The following CSMD2 variants were observed in gnomAD, a reference collection of about 807,000 sequenced individuals.
The protein encoded by CSMD2 is CUB and sushi domain-containing protein 2.
In CSMD2, 130 loss-of-function variants were observed where a neutral mutation model predicts 398.5. The ratio of observed to expected loss-of-function variants is 0.33; its 90% CI spans 0.28 to 0.38. The LOEUF (loss-of-function observed/expected upper bound fraction) is 0.38. Among genes scored for constraint, CSMD2 ranks in the 10% least tolerant of loss-of-function variants. CSMD2 has a pLI of 1.00. For missense variants in CSMD2, 3,829 were observed against 4,764.9 expected (o/e 0.80, Z 5.78); for synonymous variants, 1,828 against 1,908.5 (o/e 0.96, Z 1.10).
rs148525734 is a variant in CSMD2 at position 33,735,548 on chromosome 1, T to C, written c.2368+3592A>G. 9.9e-5 allele frequency among the ~76,000 whole-genome samples: 15 copies of C among 152,236 alleles called. No individual in the cohort carries two copies. The East Asian group carries it at 2.7e-3, about 27-fold the overall frequency. ...GGTCAATCTAGCCCATTCACTTCCG[T>C]ATTGTCTAAGGCTGCTGTTGCATTA... On this transcript the variant is annotated intron_variant, in intron 15 of 70. Transcript: ENST00000373381.
intron 51 of CSMD2, among the ~76,000 whole-genome samples, chr1:33,569,916 T>A (rs1659428602): frequency 6.6e-6 from 1 of 152,192 alleles, no homozygotes; most frequent in African/African-American, 2.4e-5. Flanking sequence ...ACACTGCTAA[T>A]CAATTTCCTT....
In CSMD2 at chr1:34,157,542, G is replaced by A. The variant is rs529177264; in HGVS notation, c.187+7369C>T. Among the ~76,000 whole-genome samples the A allele has an allele frequency of 6.0e-5, 9 of 149,728 alleles. No homozygotes were observed. The East Asian group carries it at 1.6e-3, about 26-fold the overall frequency. On this transcript the variant is annotated intron_variant, in intron 1 of 70. Coordinates refer to ENST00000373381, the MANE Select transcript of CSMD2 (RefSeq NM_001281956.2). The stretch of plus-strand genomic sequence containing the variant: ...ATATCCCAATTGTTCCATTCTACTC[G>A]ACCCCAACTCCACCCACCCCATCTT...
intron 5 of CSMD2, among the ~76,000 whole-genome samples, chr1:33,898,154 T>TA (rs910472108): frequency 1.3e-5 from 2 of 152,184 alleles, no homozygotes; most frequent in African/African-American, 4.8e-5. Context: ...GTCAGGTTGC[T>TA]AAAAAATGCT....
chr1:33,551,646 A>G (rs1390910078), intron 55 of CSMD2, among the ~76,000 whole-genome samples: 1 of 152,222 alleles, frequency 6.6e-6, no homozygotes, highest in African/African-American at 2.4e-5. Context: ...TGGTCTTAAT[A>G]TGGGTCAAAC....
intron 50 of CSMD2, 48 bp downstream of exon 50, chr1:33,572,458 G>T: frequency 1.4e-6 from 2 of 1,416,438 alleles, no homozygotes; most frequent in Non-Finnish European, 1.9e-6. Context: ...CTTTCCAGCT[G>T]CCTACCTAGC....
chr1:33,887,686 G>T (rs573406447), intron 5 of CSMD2, among the ~76,000 whole-genome samples: 16 of 152,218 alleles, frequency 1.1e-4, no homozygotes, highest in Non-Finnish European at 2.2e-4. Flanking sequence ...AGCTATGCTT[G>T]CCTTTAAGTC....
intron 25 of CSMD2, among the ~76,000 whole-genome samples, chr1:33,673,576 G>A (rs552948397): frequency 6.6e-6 from 1 of 152,132 alleles, no homozygotes; most frequent in Non-Finnish European, 1.5e-5. Context: ...ATCTAGCAAG[G>A]CAGGCCAACA....
intron 46 of CSMD2, among the ~76,000 whole-genome samples, chr1:33,585,288 A>G (rs1639006658): frequency 6.6e-6 from 1 of 152,158 alleles, no homozygotes. Context: ...CCAAAAATTA[A>G]TCCCAGGATT....
intron 57 of CSMD2, among the ~76,000 whole-genome samples, chr1:33,544,130 G>C (rs755967006): frequency 2.1e-5 from 3 of 142,396 alleles, no homozygotes; most frequent in Non-Finnish European, 1.5e-5. Context: ...TTTTTGAGAC[G>C]GAGTCTCGCT....
intron 56 of CSMD2, among the ~76,000 whole-genome samples, chr1:33,549,125 G>A (rs966563295): frequency 3.3e-5 from 5 of 152,116 alleles, no homozygotes; most frequent in East Asian, 3.8e-4. Flanking sequence ...TAAATATTCT[G>A]GCAGTGACCT....
chr1:33,566,734 G>A (rs1048620965), intron 53 of CSMD2, among the ~76,000 whole-genome samples: 1 of 152,152 alleles, frequency 6.6e-6, no homozygotes, highest in African/African-American at 2.4e-5. Context: ...GTGCAATGGA[G>A]ATACTAGTTA....
intron 2 of CSMD2, among the ~76,000 whole-genome samples, chr1:34,078,121 T>A (rs111481214): frequency 2.6e-5 from 4 of 151,896 alleles, no homozygotes; most frequent in Non-Finnish European, 5.9e-5. Flanking sequence ...TACAGGTGGA[T>A]GCCACTGTGC....
intron 1 of CSMD2, among the ~76,000 whole-genome samples, chr1:34,124,042 T>C (rs1662487461): frequency 6.6e-6 from 1 of 152,216 alleles, no homozygotes; most frequent in Admixed American, 6.5e-5. Context: ...TGGAATCCAG[T>C]TCCTCAAAGG....
Position 33,762,878 on chromosome 1 carries a change from C to T in CSMD2, c.1846+9691G>A, listed in dbSNP as rs541975011. Reference sequence around the variant, plus strand: ...AGTGTAATGGCCAGTACATAGTACCCACTCCCTTCCACATTTTGCTGCATT... The same window carrying T: ...AGTGTAATGGCCAGTACATAGTACCTACTCCCTTCCACATTTTGCTGCATT... On this transcript the variant is annotated intron_variant, in intron 13 of 70. Coordinates refer to ENST00000373381, the MANE Select transcript of CSMD2 (RefSeq NM_001281956.2). Among the ~76,000 whole-genome samples, 436 of 152,248 alleles carry T rather than the reference C, an allele frequency of 2.9e-3. 3 individuals are homozygous for T. The highest frequency in any genetic ancestry group is 9.6e-3 in the African/African-American group (400 of 41,526).
intron 12 of CSMD2, among the ~76,000 whole-genome samples, chr1:33,785,638 A>C (rs1001238120): frequency 1.3e-5 from 2 of 152,230 alleles, no homozygotes; most frequent in African/African-American, 4.8e-5. Context: ...AAAGAGAAGA[A>C]AGGAGAAGAA....
intron 13 of CSMD2, among the ~76,000 whole-genome samples, chr1:33,754,473 C>A (rs1227772933): frequency 6.6e-6 from 1 of 152,162 alleles, no homozygotes; most frequent in African/African-American, 2.4e-5. Context: ...GTACAGCCTG[C>A]AGAACTGTGA....
At chr1:34,020,600 C>A (rs1167003492) in intron 3 of CSMD2, among the ~76,000 whole-genome samples, 1 of 151,806 alleles carries the variant, frequency 6.6e-6, no homozygotes, top group African/African-American at 2.4e-5. Flanking sequence ...GAGAACTGTG[C>A]AGGGCTTATT....
chr1:33,818,025 C>G (rs1231383557), intron 9 of CSMD2, among the ~76,000 whole-genome samples: 7 of 152,216 alleles, frequency 4.6e-5, no homozygotes, highest in Admixed American at 4.6e-4. Context: ...CAGCCCTTCT[C>G]CACCCTTGGC....
intron 39 of CSMD2, among the ~76,000 whole-genome samples, chr1:33,615,429 T>C (rs1459206065): frequency 1.3e-5 from 2 of 152,180 alleles, no homozygotes; most frequent in Admixed American, 1.3e-4. Context: ...AAGTGCTTTC[T>C]GGGGAGAGGA....
Sources: gnomAD v4.1 joint callset for allele counts (sites outside exome capture counted in the v4.1 genomes callset) on GRCh38, gnomAD v4.1.1 for gene constraint, MANE v1.5 for transcripts, NCBI Gene and HGNC (gene_info 2026-07-23, HGNC 2026-07-21) for gene names.